ERCC8: variants seen among roughly 807,000 people sequenced by gnomAD.
The protein encoded by ERCC8 is DNA excision repair protein ERCC-8.
A neutral mutation model predicts 54.9 loss-of-function variants in ERCC8; 52 were observed. That is an observed-to-expected ratio of 0.95 (90% confidence interval 0.76 to 1.19). The LOEUF is 1.19. Among genes scored for constraint, ERCC8 ranks in the 50% most tolerant of loss-of-function variants. The probability of loss-of-function intolerance (pLI) is 0.00; values close to 1 mark genes in which losing one functional copy is unlikely to be tolerated. For missense variants in ERCC8, 514 were observed against 466.1 expected, an observed-to-expected ratio of 1.10 and a Z score of -0.95; for synonymous variants, 146 against 157.2, an observed-to-expected ratio of 0.93 and a Z score of 0.53.
rs1028325809 is a variant in ERCC8 at position 60,922,099 on chromosome 5, C to T, written c.230G>A (p.Ser77Asn). The change falls in exon 3 of 12, where the codon AGC (serine) becomes AAC (asparagine). Residue 77 changes from serine (S) to asparagine (N), a missense_variant. Physicochemically the swap from Ser to Asn is conservative, Grantham distance 46 (BLOSUM62 1). Transcript: ENST00000676185. Reference protein sequence around the residue: ...VIVLYDLENSSRQSYYTCKAV... With the variant: ...VIVLYDLENSNRQSYYTCKAV... ...TTTACATGTGTAATAAGATTGTCTG[C>T]TGGAGTTCTCAAGGTCATAAAGTAC... 3 of 1,610,624 alleles carry T rather than the reference C, an allele frequency of 1.9e-6. No individual in the cohort carries two copies. Among genetic ancestry groups the T allele is most frequent in the Admixed American group, 1.7e-5 (1 of 59,836 alleles).
chr5:60,934,020 C>T (rs949386055), intron 1 of ERCC8, among the ~76,000 whole-genome samples: 1 of 152,062 alleles, frequency 6.6e-6, no homozygotes, highest in Non-Finnish European at 1.5e-5. Context: ...TATTTTTGCA[C>T]TTGCGAATTG....
intron 1 of ERCC8, among the ~76,000 whole-genome samples, chr5:60,934,940 C>G (rs1750021126): frequency 6.6e-6 from 1 of 152,096 alleles, no homozygotes; most frequent in Non-Finnish European, 1.5e-5. Context: ...TTTTTATTAC[C>G]ACTAGCATGC....
intron 1 of ERCC8, among the ~76,000 whole-genome samples, chr5:60,937,606 C>T (rs1053607496): frequency 6.6e-6 from 1 of 152,186 alleles, no homozygotes; most frequent in African/African-American, 2.4e-5. Flanking sequence ...CTTCACCCAG[C>T]TCCCATGCAA....
intron 11 of ERCC8, among the ~76,000 whole-genome samples, chr5:60,877,288 T>C (rs1263290949): frequency 3.3e-5 from 5 of 152,222 alleles, no homozygotes; most frequent in Non-Finnish European, 7.3e-5. Flanking sequence ...TGTAGCCTTG[T>C]AGTATAGTTT....
At chr5:60,892,823 G>T in intron 9 of ERCC8, 1 of 681,858 alleles carries the variant, frequency 1.5e-6, no homozygotes, top group Admixed American at 2.2e-5. Flanking sequence ...CCCCAGGAAT[G>T]GCTCCCACAC....
rs1420083971 is a variant in ERCC8 at position 60,870,386 on chromosome 5, GTAAATC to G, written c.*4223_*4228del. ...AGGCCCGGCACGGTGGCTCACGCCT[GTAAATC>G]CCAGCACTTTGGGAGGCCGAGGCTG... On this transcript the variant is annotated 3_prime_UTR_variant, in exon 12 of 12. Coordinates refer to ENST00000676185, the MANE Select transcript of ERCC8 (RefSeq NM_000082.4). Among the ~76,000 whole-genome samples the G allele has an allele frequency of 6.9e-6, 1 of 144,918 alleles. No homozygotes were observed. The highest frequency in any genetic ancestry group is 2.6e-5 in the African/African-American group (1 of 38,606).
chr5:60,893,544 C>T (rs1748631312), intron 9 of ERCC8: 1 of 717,956 alleles, frequency 1.4e-6, no homozygotes, highest in African/African-American at 1.8e-5. Flanking sequence ...GAAACTTTAC[C>T]TGGCTTTTCA....
At chr5:60,881,642 C>T (rs1027174828) in intron 11 of ERCC8, among the ~76,000 whole-genome samples, 1 of 152,166 alleles carries the variant, frequency 6.6e-6, no homozygotes, top group Non-Finnish European at 1.5e-5. Context: ...GCTCTGTGGG[C>T]GTCGGACCCT....
At chr5:60,895,531 T>C (rs772774972) in intron 9 of ERCC8, among the ~76,000 whole-genome samples, 6 of 152,214 alleles carry the variant, frequency 3.9e-5, no homozygotes, top group Non-Finnish European at 5.9e-5. Flanking sequence ...CTTATAGAGT[T>C]ATGTATCGTG....
At chr5:60,934,049 T>A (rs1295575244) in intron 1 of ERCC8, among the ~76,000 whole-genome samples, 1 of 152,224 alleles carries the variant, frequency 6.6e-6, no homozygotes, top group African/African-American at 2.4e-5. Flanking sequence ...TAAACATGCA[T>A]GTGTGAGTAT....
At chr5:60,877,868 T>A (rs1339651864) in intron 11 of ERCC8, among the ~76,000 whole-genome samples, 1 of 152,202 alleles carries the variant, frequency 6.6e-6, no homozygotes, top group Non-Finnish European at 1.5e-5. Context: ...TTTATTTCCT[T>A]TTCCTGCCTG....
chr5:60,944,421 G>A (rs942368984), intron 1 of ERCC8, among the ~76,000 whole-genome samples: 2 of 152,060 alleles, frequency 1.3e-5, no homozygotes, highest in African/African-American at 4.8e-5. Context: ...AAGTACACAA[G>A]GCTCTTCCTC....
At chr5:60,891,938 C>T (rs1748574729) in intron 9 of ERCC8, 1 of 517,908 alleles carries the variant, frequency 1.9e-6, no homozygotes, top group African/African-American at 1.9e-5. Flanking sequence ...AATTAGTTAC[C>T]AACACTGCCA....
intron 1 of ERCC8, among the ~76,000 whole-genome samples, chr5:60,941,792 A>G (rs115135375): frequency 1.3e-5 from 2 of 152,228 alleles, no homozygotes; most frequent in African/African-American, 4.8e-5. Context: ...GAGACAAGAA[A>G]AAGATATAAG....
rs79416340 is a variant in ERCC8 at position 60,870,372 on chromosome 5, G to A, written c.*4243C>T. ...GAGAAGTCGAAGTCAGGCCCGGCACGGTGGCTCACGCCTGTAAATCCCAGC... is the reference window on the plus strand; with the variant it reads ...GAGAAGTCGAAGTCAGGCCCGGCACAGTGGCTCACGCCTGTAAATCCCAGC... On this transcript the variant is annotated 3_prime_UTR_variant, in exon 12 of 12. Coordinates refer to ENST00000676185, the MANE Select transcript of ERCC8 (RefSeq NM_000082.4). 0.038 allele frequency among the ~76,000 whole-genome samples: 5,822 copies of A among 151,336 alleles called. 133 individuals carry two copies. Among genetic ancestry groups the A allele is most frequent in the African/African-American group, 0.057 (2,342 of 41,192 alleles).
In ERCC8 at chr5:60,904,864, C is replaced by A. The variant is rs150952570; in HGVS notation, c.409G>T (p.Val137Leu). The A allele has an allele frequency of 1.2e-4, 182 of 1,513,646 alleles. No homozygotes were observed. Among genetic ancestry groups the A allele is most frequent in the South Asian group, 4.2e-4 (37 of 88,954 alleles). 93.8% of individuals were successfully genotyped at this position (1,513,646 alleles called of 1,614,324 possible). ...TAAACTGTTTCCTCAAAATTAAATA[C>A]ATCTGCAGTCTGGTAATCAAAAGAC... ...WDTNTLQTADVFNFEETVYSH... is the reference protein window; with the variant it reads ...WDTNTLQTADLFNFEETVYSH... Residue 137 changes from valine to leucine, a missense_variant, in exon 5 of 12, where the codon GTA becomes TTA. Transcript: ENST00000676185.
chr5:60,906,758 T>TAAAC (rs1373980717), intron 4 of ERCC8, among the ~76,000 whole-genome samples: 2 of 150,068 alleles, frequency 1.3e-5, no homozygotes, highest in African/African-American at 2.5e-5. Flanking sequence ...AATAAATAAA[T>TAAAC]AAACAAATAC....
Position 60,916,270 on chromosome 5 carries a change from A to G in ERCC8, c.399+1995T>C, listed in dbSNP as rs574087148. ...ATTTCTGTCTCTCTAGCTTTATGAA[A>G]TTGACTAAAGTCCCACTCATTTATC... On this transcript the variant is annotated intron_variant, in intron 4 of 11. Transcript: ENST00000676185. Among the ~76,000 whole-genome samples, 3 of 152,058 alleles carry G rather than the reference A, an allele frequency of 2.0e-5. 1 individual carries two copies. Among genetic ancestry groups the G allele is most frequent in the Non-Finnish European group, 4.4e-5 (3 of 67,992 alleles).
chr5:60,943,279 A>T (rs919227574), intron 1 of ERCC8, among the ~76,000 whole-genome samples: 8 of 152,160 alleles, frequency 5.3e-5, no homozygotes, highest in Admixed American at 5.2e-4. Flanking sequence ...TCAAAAAAAA[A>T]ATATTTTTTT....
Sources: gnomAD v4.1 joint callset for allele counts (sites outside exome capture counted in the v4.1 genomes callset) on GRCh38, gnomAD v4.1.1 for gene constraint, MANE v1.5 for transcripts, NCBI Gene and HGNC (gene_info 2026-07-23, HGNC 2026-07-21) for gene names.